Variants in CTNND2 observed in about 807,000 individuals in gnomAD.
CTNND2 encodes the protein catenin delta 2, also known as catenin delta-2.
Under a neutral mutation model 144.4 loss-of-function variants are expected in CTNND2, and 22 were observed. The ratio of observed to expected loss-of-function variants is 0.15; its 90% CI spans 0.11 to 0.22. The LOEUF is 0.22. CTNND2 is among the 10% of genes least tolerant of loss of function. CTNND2 has a pLI of 1.00. For synonymous variants in CTNND2, 751 were observed against 695.6 expected (o/e 1.08, Z -1.25); for missense variants, 1,353 against 1,618.8 (o/e 0.84, Z 2.82).
chr5:11,304,161 A>G (rs1416617051), intron 9 of CTNND2, among the ~76,000 whole-genome samples: 1 of 151,260 alleles, frequency 6.6e-6, no homozygotes, highest in Non-Finnish European at 1.5e-5. Context: ...GTATGTCTTT[A>G]TCAGCAGCAT....
rs1366589981 is a variant in CTNND2 at position 11,498,304 on chromosome 5, C to T, written c.287+66640G>A. ...ACACACACATATCAACTCTGCCCAG[C>T]TCATCACCAAGTTCGACAAAACAAC... is the stretch of plus-strand genomic sequence containing the variant. On this transcript the variant is annotated intron_variant, in intron 3 of 21. Coordinates refer to ENST00000304623, the MANE Select transcript of CTNND2 (RefSeq NM_001332.4). Among the ~76,000 whole-genome samples, 4 of 152,052 alleles carry T rather than the reference C, an allele frequency of 2.6e-5. No individual in the cohort carries two copies. In the South Asian group the frequency reaches 6.2e-4, roughly 24 times the overall value.
At chr5:11,757,339 G>A (rs1427521762) in intron 1 of CTNND2, among the ~76,000 whole-genome samples, 1 of 151,622 alleles carries the variant, frequency 6.6e-6, no homozygotes, top group Admixed American at 6.6e-5. Flanking sequence ...CTGTATTGAT[G>A]TATCATTTTT....
intron 18 of CTNND2, among the ~76,000 whole-genome samples, chr5:10,996,893 G>A (rs550335321): frequency 2.6e-5 from 4 of 152,186 alleles, no homozygotes; most frequent in South Asian, 4.2e-4. Flanking sequence ...CACTGTGCCC[G>A]GCCAATTTTG....
Position 11,651,103 on chromosome 5 carries a change from T to G in CTNND2, c.174+81033A>C, listed in dbSNP as rs375035433. On this transcript the variant is annotated intron_variant, in intron 2 of 21. Transcript: ENST00000304623. ...GCAGTAGCCCATCCCATTACAGGCC[T>G]GGAGGCATAGGCAGGAATAATGGTT... Among the ~76,000 whole-genome samples the G allele has an allele frequency of 2.5e-4, 38 of 152,316 alleles. 1 individual carries two copies. The South Asian group carries it at 7.7e-3, about 31-fold the overall frequency.
intron 1 of CTNND2, among the ~76,000 whole-genome samples, chr5:11,883,944 T>A (rs1380862382): frequency 6.6e-6 from 1 of 152,208 alleles, no homozygotes; most frequent in Non-Finnish European, 1.5e-5. Flanking sequence ...ATGTTGAGCT[T>A]TTTTCATATG....
At chr5:11,319,552 ACT>A (rs1751829037) in intron 9 of CTNND2, among the ~76,000 whole-genome samples, 3 of 152,014 alleles carry the variant, frequency 2.0e-5, no homozygotes. Context: ...ACAGAGTCTC[ACT>A]CTGTCGCCCA....
At chr5:11,066,445 C>T (rs1350489781) in intron 16 of CTNND2, among the ~76,000 whole-genome samples, 2 of 152,024 alleles carry the variant, frequency 1.3e-5, no homozygotes, top group South Asian at 2.1e-4. Flanking sequence ...TACCTACAGC[C>T]CCCCTCACTC....
At chr5:11,638,293 C>T (rs139141388) in intron 2 of CTNND2, among the ~76,000 whole-genome samples, 2 of 152,208 alleles carry the variant, frequency 1.3e-5, no homozygotes, top group Admixed American at 6.5e-5. Flanking sequence ...GCCAGTAACA[C>T]TTATTTTTGG....
intron 16 of CTNND2, among the ~76,000 whole-genome samples, chr5:11,061,188 C>T (rs568046775): frequency 6.6e-6 from 1 of 152,250 alleles, no homozygotes; most frequent in South Asian, 2.1e-4. Flanking sequence ...CTTGCTGGTT[C>T]CACCTTCAAA....
chr5:11,690,424 A>C (rs1784844047), intron 2 of CTNND2, among the ~76,000 whole-genome samples: 1 of 152,206 alleles, frequency 6.6e-6, no homozygotes, highest in Non-Finnish European at 1.5e-5. Context: ...AAAGCACATC[A>C]GGTTCTGTAA....
chr5:11,548,085 C>T (rs1211688545), intron 3 of CTNND2, among the ~76,000 whole-genome samples: 1 of 152,138 alleles, frequency 6.6e-6, no homozygotes, highest in African/African-American at 2.4e-5. Context: ...ACTACCAGCA[C>T]CCACGACACC....
At position 10,975,737 on chromosome 5, in the gene CTNND2, G is replaced by T. The variant is rs61752731; in HGVS notation, c.3418-2024C>A. Among the ~76,000 whole-genome samples the T allele has an allele frequency of 3.3e-5, 5 of 152,336 alleles. No homozygotes were observed. In the East Asian group the frequency reaches 9.6e-4, roughly 29 times the overall value. ...GGTGGACAAAAGAGACCAAGAAGCG[G>T]TGTGTTTTCTTATGGATTTTTGGGG... On this transcript the variant is annotated intron_variant, in intron 21 of 21. Coordinates refer to ENST00000304623, the MANE Select transcript of CTNND2 (RefSeq NM_001332.4).
At chr5:11,379,162 A>C (rs934398011) in intron 7 of CTNND2, among the ~76,000 whole-genome samples, 2 of 152,240 alleles carry the variant, frequency 1.3e-5, no homozygotes, top group East Asian at 1.9e-4. Context: ...AAAGTGAACA[A>C]AAATTGGTAC....
At chr5:11,175,206 T>C (rs946966185) in intron 11 of CTNND2, among the ~76,000 whole-genome samples, 10 of 152,278 alleles carry the variant, frequency 6.6e-5, no homozygotes, top group African/African-American at 2.2e-4. Flanking sequence ...TTAATCTTTA[T>C]CAAATCTTAG....
intron 1 of CTNND2, among the ~76,000 whole-genome samples, chr5:11,837,904 T>C (rs929101213): frequency 1.1e-4 from 16 of 152,108 alleles, no homozygotes; most frequent in Non-Finnish European, 1.8e-4. Context: ...CAATCAAATG[T>C]ATATATTTTT....
At chr5:11,074,338 A>G (rs1206434532) in intron 16 of CTNND2, among the ~76,000 whole-genome samples, 2 of 152,216 alleles carry the variant, frequency 1.3e-5, no homozygotes, top group Non-Finnish European at 2.9e-5. Flanking sequence ...TTTCGCCAGC[A>G]GACAGTGGGG....
At chr5:11,832,892 G>A (rs761827966) in intron 1 of CTNND2, among the ~76,000 whole-genome samples, 3 of 152,186 alleles carry the variant, frequency 2.0e-5, no homozygotes, top group Non-Finnish European at 4.4e-5. Flanking sequence ...TGTGAGCGGT[G>A]ATTGTGCCAC....
At chr5:11,089,559 G>GA in intron 15 of CTNND2, among the ~76,000 whole-genome samples, 1 of 152,118 alleles carries the variant, frequency 6.6e-6, no homozygotes, top group East Asian at 1.9e-4. Context: ...TTTAATTGAT[G>GA]AAAAAAGATG....
At chr5:11,599,388 A>G (rs1375912000) in intron 2 of CTNND2, among the ~76,000 whole-genome samples, 3 of 152,154 alleles carry the variant, frequency 2.0e-5, no homozygotes, top group Non-Finnish European at 4.4e-5. Flanking sequence ...TTTCTAATAG[A>G]TGTTTTTGGA....
Sources: gnomAD v4.1 joint callset for allele counts (sites outside exome capture counted in the v4.1 genomes callset) on GRCh38, gnomAD v4.1.1 for gene constraint, MANE v1.5 for transcripts, NCBI Gene and HGNC (gene_info 2026-07-23, HGNC 2026-07-21) for gene names.